Variants in TMEM108 observed in about 807,000 individuals in gnomAD.
The protein encoded by TMEM108 is transmembrane protein 108.
A neutral mutation model predicts 35.1 loss-of-function variants in TMEM108; 12 were observed. The ratio of observed to expected loss-of-function variants is 0.34; its 90% confidence interval spans 0.22 to 0.55. TMEM108 has a LOEUF of 0.55. Ranked by LOEUF, TMEM108 falls within the 20% of genes least tolerant of loss-of-function variation. The pLI is 0.89. For synonymous variants in TMEM108, 287 were observed against 308.6 expected (o/e 0.93, Z 0.73); for missense variants, 680 against 753.3 (o/e 0.90, Z 1.14).
At chr3:133,228,477 C>T (rs1232084614) in intron 2 of TMEM108, among the ~76,000 whole-genome samples, 1 of 152,004 alleles carries the variant, frequency 6.6e-6, no homozygotes, top group East Asian at 1.9e-4. Flanking sequence ...TTTCAAAAAG[C>T]CTTAATTTAT....
At chr3:133,136,980 T>C (rs920881251) in intron 2 of TMEM108, among the ~76,000 whole-genome samples, 4 of 152,208 alleles carry the variant, frequency 2.6e-5, no homozygotes, top group African/African-American at 4.8e-5. Context: ...TGCTGAAAGA[T>C]AGAATTTGAG....
chr3:133,213,970 G>C (rs891794353), intron 2 of TMEM108, among the ~76,000 whole-genome samples: 4 of 152,156 alleles, frequency 2.6e-5, no homozygotes, highest in Non-Finnish European at 5.9e-5. Context: ...TTTAACAGAA[G>C]GGGCTATTTG....
At chr3:133,088,612 G>A (rs548147599) in intron 2 of TMEM108, among the ~76,000 whole-genome samples, 2 of 152,150 alleles carry the variant, frequency 1.3e-5, no homozygotes, top group Non-Finnish European at 2.9e-5. Context: ...GAAGGATTTG[G>A]TGCTAAGCAG....
At chr3:133,142,987 T>G (rs368550267) in intron 2 of TMEM108, among the ~76,000 whole-genome samples, 7 of 152,354 alleles carry the variant, frequency 4.6e-5, no homozygotes, top group East Asian at 1.9e-4. Context: ...TGAATCCAGA[T>G]GGTCTGGCTC....
chr3:133,365,158 C>G (rs2072468188), intron 3 of TMEM108, among the ~76,000 whole-genome samples: 1 of 152,146 alleles, frequency 6.6e-6, no homozygotes, highest in Non-Finnish European at 1.5e-5. Context: ...CTCCTAGCAG[C>G]TCCGGAATGA....
intron 2 of TMEM108, among the ~76,000 whole-genome samples, chr3:133,051,630 A>G (rs1355854251): frequency 6.6e-6 from 1 of 151,924 alleles, no homozygotes; most frequent in African/African-American, 2.4e-5. Context: ...ATCTTCTATG[A>G]GTTTTATAGT....
intron 2 of TMEM108, among the ~76,000 whole-genome samples, chr3:133,225,545 T>C (rs952382010): frequency 1.2e-4 from 19 of 152,206 alleles, no homozygotes; most frequent in African/African-American, 3.9e-4. Flanking sequence ...GGAATACTTA[T>C]GTTCTTCCTC....
At chr3:133,381,498 C>T (rs1016773795) in intron 4 of TMEM108, among the ~76,000 whole-genome samples, 1 of 152,202 alleles carries the variant, frequency 6.6e-6, no homozygotes, top group Non-Finnish European at 1.5e-5. Context: ...AGAGGCAGGG[C>T]TGGGCTGAGA....
At chr3:133,281,819 T>C (rs1035736967) in intron 3 of TMEM108, among the ~76,000 whole-genome samples, 15 of 152,174 alleles carry the variant, frequency 9.9e-5, no homozygotes, top group African/African-American at 3.6e-4. Context: ...CTAGTAAGAC[T>C]AAATCGGTTG....
In TMEM108 at chr3:133,073,510, C is replaced by CTCTCTATATATATA; in HGVS notation, c.-47+27491_-47+27492insCTCTATATATATAT. Among the ~76,000 whole-genome samples, 295 of 43,828 alleles carry CTCTCTATATATATA rather than the reference C, an allele frequency of 6.7e-3. 1 individual carries two copies. The highest frequency in any genetic ancestry group is 9.9e-3 in the Non-Finnish European group (254 of 25,750). The allele number at this position is 43,828 out of a possible 152,430, so 28.8% of individuals were successfully genotyped here. On this transcript the variant is annotated intron_variant, in intron 2 of 5. Coordinates refer to ENST00000321871, the MANE Select transcript of TMEM108 (RefSeq NM_023943.4). ...TCTCTCTCTCTCTCTCTCTCTCTCTCTATATATATATATATATATATATAT... is the reference window on the plus strand; with the variant it reads ...TCTCTCTCTCTCTCTCTCTCTCTCTCTCTCTATATATATATATATATATATATATATATATATAT...
chr3:133,062,143 G>A (rs538933538), intron 2 of TMEM108, among the ~76,000 whole-genome samples: 1 of 152,360 alleles, frequency 6.6e-6, no homozygotes, highest in African/African-American at 2.4e-5. Flanking sequence ...AGCTTTGCAA[G>A]TAAAATCAAT....
At chr3:133,108,304 C>T (rs896646144) in intron 2 of TMEM108, among the ~76,000 whole-genome samples, 4 of 152,150 alleles carry the variant, frequency 2.6e-5, no homozygotes, top group Admixed American at 1.3e-4. Context: ...TTTTAATGAT[C>T]GCCATTCTAA....
chr3:133,176,011 C>T (rs145069762), intron 2 of TMEM108, among the ~76,000 whole-genome samples: 93 of 150,744 alleles, frequency 6.2e-4, no homozygotes, highest in Admixed American at 9.9e-4. Context: ...AAAAAGGCAG[C>T]GGTTGCAATC....
chr3:133,130,930 C>G (rs1282509975), intron 2 of TMEM108, among the ~76,000 whole-genome samples: 1 of 152,178 alleles, frequency 6.6e-6, no homozygotes, highest in Non-Finnish European at 1.5e-5. Context: ...ATTTATGACA[C>G]TCTATCTACT....
intron 3 of TMEM108, among the ~76,000 whole-genome samples, chr3:133,290,605 A>T (rs1013862163): frequency 1.2e-4 from 18 of 152,082 alleles, no homozygotes; most frequent in African/African-American, 4.1e-4. Flanking sequence ...TGAGCAACAG[A>T]GTGAAACTGC....
In TMEM108 at chr3:133,346,899, T is replaced by C. The variant is rs1197226462; in HGVS notation, c.41-32853T>C. ...CTGGCACCGTTTATTGAACAAACAG[T>C]CCTTTCTCCATTGAATTGCCTTAGC... On this transcript the variant is annotated intron_variant, in intron 3 of 5. Transcript: ENST00000321871. This position sits in a 1 kb window ranked among gnomAD's most constrained non-coding sequence, Gnocchi z 4.0. Among the ~76,000 whole-genome samples, 2 of 152,128 alleles carry C rather than the reference T, an allele frequency of 1.3e-5. No homozygotes were observed. The highest frequency in any genetic ancestry group is 4.8e-5 in the African/African-American group (2 of 41,464).
chr3:133,088,832 A>G (rs1943913800), intron 2 of TMEM108, among the ~76,000 whole-genome samples: 1 of 152,164 alleles, frequency 6.6e-6, no homozygotes, highest in Non-Finnish European at 1.5e-5. Flanking sequence ...GCTGTGAGCA[A>G]TTGTCTGATC....
intron 2 of TMEM108, among the ~76,000 whole-genome samples, chr3:133,187,472 G>A (rs1159608963): frequency 1.1e-4 from 17 of 152,172 alleles, no homozygotes; most frequent in Non-Finnish European, 1.8e-4. Context: ...GTCTTGGGCC[G>A]GGCATGGTGG....
intron 2 of TMEM108, among the ~76,000 whole-genome samples, chr3:133,187,496 T>A (rs1359834871): frequency 5.3e-5 from 8 of 152,226 alleles, no homozygotes; most frequent in Non-Finnish European, 8.8e-5. Flanking sequence ...ACGCCTGTAG[T>A]CCCAGCACTT....
Sources: gnomAD v4.1 joint callset for allele counts (sites outside exome capture counted in the v4.1 genomes callset) on GRCh38, gnomAD v4.1.1 for gene constraint, Gnocchi (gnomAD v3.1) non-coding constraint, MANE v1.5 for transcripts, NCBI Gene and HGNC (gene_info 2026-07-23, HGNC 2026-07-21) for gene names.